Variants in CDH13 observed in about 807,000 individuals in gnomAD.
CDH13 encodes cadherin-13.
A neutral mutation model predicts 63.8 loss-of-function variants in CDH13; 24 were observed. The ratio of observed to expected loss-of-function variants is 0.38; its 90% CI spans 0.27 to 0.53. CDH13 has a LOEUF of 0.53. Among genes scored for constraint, CDH13 ranks in the 20% least tolerant of loss-of-function variants. The pLI is 0.85. For synonymous variants in CDH13, 503 were observed against 355.3 expected (o/e 1.42, Z -4.67); for missense variants, 1,049 against 903.1 (o/e 1.16, Z -2.07).
rs1322695841 is a variant in CDH13 at position 83,041,510 on chromosome 16, C to T, written c.366+9292C>T. On this transcript the variant is annotated intron_variant, in intron 3 of 13. Coordinates refer to ENST00000567109, the MANE Select transcript of CDH13 (RefSeq NM_001257.5). ...AAATATATCGTCAATTGCCCAAAAG[C>T]CAACGACCCTGCTAATACGTCTCTT... 2.0e-5 allele frequency among the ~76,000 whole-genome samples: 3 copies of T among 152,012 alleles called. No individual in the cohort carries two copies. The East Asian group carries it at 5.8e-4, about 29-fold the overall frequency.
intron 4 of CDH13, among the ~76,000 whole-genome samples, chr16:83,169,595 C>T (rs1206753186): frequency 6.6e-6 from 1 of 151,634 alleles, no homozygotes; most frequent in Non-Finnish European, 1.5e-5. Flanking sequence ...TGGGAAGCAG[C>T]TGCCTGTTCA....
intron 10 of CDH13, among the ~76,000 whole-genome samples, chr16:83,719,431 C>T (rs1909383385): frequency 6.6e-6 from 1 of 150,822 alleles, no homozygotes; most frequent in African/African-American, 2.4e-5. Context: ...CCACGTCACT[C>T]ACCCACGGCC....
chr16:83,487,369 C>G (rs543646662), intron 7 of CDH13, among the ~76,000 whole-genome samples: 20 of 152,300 alleles, frequency 1.3e-4, no homozygotes, highest in African/African-American at 4.6e-4. Flanking sequence ...CTGGAGACAT[C>G]AGGTCCACTT....
intron 2 of CDH13, among the ~76,000 whole-genome samples, chr16:82,865,057 CACAT>C (rs1371804130): frequency 2.6e-5 from 4 of 152,222 alleles, no homozygotes; most frequent in Non-Finnish European, 4.4e-5. Context: ...CTCTGTGTCT[CACAT>C]ACAGGTCACC....
intron 2 of CDH13, among the ~76,000 whole-genome samples, chr16:83,019,808 C>A (rs1184153763): frequency 7.4e-6 from 1 of 134,926 alleles, no homozygotes; most frequent in Non-Finnish European, 1.5e-5. Context: ...TAAACCTTTT[C>A]TTAATGGGTA....
At chr16:83,536,317 G>A (rs1480870047) in intron 7 of CDH13, among the ~76,000 whole-genome samples, 3 of 152,198 alleles carry the variant, frequency 2.0e-5, no homozygotes, top group African/African-American at 7.2e-5. Flanking sequence ...AGACCATGTT[G>A]CAAGAGAGTC....
intron 4 of CDH13, among the ~76,000 whole-genome samples, chr16:83,154,105 C>G (rs2037104549): frequency 6.6e-6 from 1 of 152,154 alleles, no homozygotes; most frequent in African/African-American, 2.4e-5. Flanking sequence ...GAGTCACAGT[C>G]ACATGTTCCA....
intron 1 of CDH13, among the ~76,000 whole-genome samples, chr16:82,718,913 A>G (rs939364967): frequency 6.6e-6 from 1 of 152,212 alleles, no homozygotes; most frequent in Non-Finnish European, 1.5e-5. Flanking sequence ...AGGAGTTGAG[A>G]TGGAACAGCA....
At chr16:82,650,170 G>T (rs1910561766) in intron 1 of CDH13, among the ~76,000 whole-genome samples, 1 of 152,204 alleles carries the variant, frequency 6.6e-6, no homozygotes, top group African/African-American at 2.4e-5. Flanking sequence ...AAAATAGGAT[G>T]CATGGCTTTG....
chr16:83,053,622 A>C (rs368112358), intron 3 of CDH13, among the ~76,000 whole-genome samples: 3 of 152,338 alleles, frequency 2.0e-5, no homozygotes, highest in African/African-American at 7.2e-5. Context: ...AGAAAATGAA[A>C]AAAAGTAAGA....
intron 5 of CDH13, among the ~76,000 whole-genome samples, chr16:83,291,153 T>C (rs549802463): frequency 6.6e-6 from 1 of 152,338 alleles, no homozygotes; most frequent in African/African-American, 2.4e-5. Flanking sequence ...ATGCTGATTA[T>C]AGTGATCGGC....
At chr16:83,598,056 A>G (rs1168175431) in intron 7 of CDH13, among the ~76,000 whole-genome samples, 2 of 152,222 alleles carry the variant, frequency 1.3e-5, no homozygotes, top group Non-Finnish European at 2.9e-5. Flanking sequence ...AATTAAATAG[A>G]TGCATAAACT....
At chr16:83,577,328 C>T (rs1182479565) in intron 7 of CDH13, among the ~76,000 whole-genome samples, 1 of 152,174 alleles carries the variant, frequency 6.6e-6, no homozygotes, top group Non-Finnish European at 1.5e-5. Flanking sequence ...ATGAGGTTTC[C>T]CAGCACGTCC....
chr16:83,607,872 GC>G, intron 8 of CDH13, among the ~76,000 whole-genome samples: 1 of 152,098 alleles, frequency 6.6e-6, no homozygotes, highest in Non-Finnish European at 1.5e-5. Context: ...AACTTCAGCA[GC>G]CCCATTTGTG....
At position 83,399,900 on chromosome 16, in the gene CDH13, A is replaced by G. The variant is rs980663671; in HGVS notation, c.781+54894A>G. ...GAGGTTGTACCCAACTCATTCTAATATGCTCTCAAGTTTAAATATGTGATG... is the reference window on the plus strand; with the variant it reads ...GAGGTTGTACCCAACTCATTCTAATGTGCTCTCAAGTTTAAATATGTGATG... On this transcript the variant is annotated intron_variant, in intron 6 of 13. Coordinates refer to ENST00000567109, the MANE Select transcript of CDH13 (RefSeq NM_001257.5). Among the ~76,000 whole-genome samples the G allele has an allele frequency of 7.2e-5, 11 of 152,198 alleles. No homozygotes were observed. The South Asian group carries it at 8.3e-4, about 11-fold the overall frequency.
intron 3 of CDH13, among the ~76,000 whole-genome samples, chr16:83,070,559 A>C (rs1226369156): frequency 6.6e-6 from 1 of 152,140 alleles, no homozygotes; most frequent in Non-Finnish European, 1.5e-5. Flanking sequence ...TTGGTGATAA[A>C]AGTTATTTTA....
At chr16:83,566,112 G>T (rs1270483663) in intron 7 of CDH13, among the ~76,000 whole-genome samples, 3 of 152,134 alleles carry the variant, frequency 2.0e-5, no homozygotes, top group African/African-American at 7.2e-5. Context: ...CAGATGCCCT[G>T]AATGGTATGT....
intron 8 of CDH13, among the ~76,000 whole-genome samples, chr16:83,664,631 A>T (rs1462011773): frequency 6.6e-6 from 1 of 152,010 alleles, no homozygotes; most frequent in Admixed American, 6.6e-5. Flanking sequence ...TCTTCTAAGA[A>T]CTTTACTGTT....
intron 5 of CDH13, among the ~76,000 whole-genome samples, chr16:83,255,247 T>C (rs1906115044): frequency 6.6e-6 from 1 of 152,196 alleles, no homozygotes; most frequent in East Asian, 1.9e-4. Context: ...TATGTGGCCA[T>C]GATGGTAGGC....
Sources: allele counts gnomAD v4.1 joint callset (sites outside exome capture counted in the v4.1 genomes callset), GRCh38; gene constraint gnomAD v4.1.1; transcripts MANE v1.5; gene names NCBI Gene and HGNC (gene_info 2026-07-23, HGNC 2026-07-21).